The following BRAF variants were observed in gnomAD, a reference collection of about 807,000 sequenced individuals.
The protein encoded by BRAF is serine/threonine-protein kinase B-raf.
In BRAF, 16 loss-of-function variants were observed where a neutral mutation model predicts 104.6. The ratio of observed to expected loss-of-function variants is 0.15; its 90% confidence interval spans 0.10 to 0.23. BRAF has a LOEUF of 0.23. BRAF is among the 10% of genes least tolerant of loss of function. BRAF has a pLI of 1.00. For missense variants in BRAF, 541 were observed against 937.3 expected, an observed-to-expected ratio of 0.58 and a Z score of 5.52; for synonymous variants, 310 against 341.6, an observed-to-expected ratio of 0.91 and a Z score of 1.02.
chr7:140,791,826 T>C (rs1801999193), intron 8 of BRAF, among the ~76,000 whole-genome samples: 1 of 152,190 alleles, frequency 6.6e-6, no homozygotes. Flanking sequence ...ATCCTCTACT[T>C]CTCATATTTT....
intron 3 of BRAF, chr7:140,823,541 G>C (rs1196742312): frequency 6.6e-6 from 1 of 152,034 alleles, no homozygotes; most frequent in Non-Finnish European, 1.5e-5. Flanking sequence ...ACCATATTTT[G>C]TTCATCCACT....
chr7:140,717,161 A>G (rs1795148145), downstream of BRAF, among the ~76,000 whole-genome samples: 1 of 152,172 alleles, frequency 6.6e-6, no homozygotes, highest in Admixed American at 6.5e-5. Context: ...AAAATTATAT[A>G]TCTGTAATAT....
chr7:140,809,757 C>T (rs1195350338), intron 3 of BRAF, among the ~76,000 whole-genome samples: 1 of 152,042 alleles, frequency 6.6e-6, no homozygotes, highest in African/African-American at 2.4e-5. Context: ...ATCTGGAGCC[C>T]TCAATGGCCA....
chr7:140,727,171 G>A (rs908968875), intron 19 of BRAF, among the ~76,000 whole-genome samples: 3 of 139,358 alleles, frequency 2.2e-5, no homozygotes, highest in Admixed American at 1.4e-4. Context: ...GGGGCTTCAT[G>A]CCATTATTTT....
chr7:140,892,273 C>T (rs1288865441), intron 1 of BRAF, among the ~76,000 whole-genome samples: 1 of 151,800 alleles, frequency 6.6e-6, no homozygotes, highest in Non-Finnish European at 1.5e-5. Flanking sequence ...AAAAATAAAT[C>T]AACAAAGGTA....
intron 19 of BRAF, chr7:140,730,705 A>G (rs1041742036): frequency 6.6e-6 from 1 of 151,778 alleles, no homozygotes; most frequent in Non-Finnish European, 1.5e-5. Context: ...AGAGCAGAGA[A>G]CAACTGGGAA....
chr7:140,763,033 C>T (rs572560699), intron 14 of BRAF, among the ~76,000 whole-genome samples: 75 of 152,340 alleles, frequency 4.9e-4, no homozygotes, highest in African/African-American at 1.7e-3. Context: ...GGCAACCATC[C>T]GATTTCTCAA....
In BRAF at chr7:140,924,406, G is replaced by A. The variant is rs1309205513; in HGVS notation, c.138+160C>T. 6.6e-6 allele frequency among the ~76,000 whole-genome samples: 1 copy of A among 152,238 alleles called. No homozygotes were observed. Among genetic ancestry groups the A allele is most frequent in the Non-Finnish European group, 1.5e-5 (1 of 68,044 alleles). On this transcript the variant is annotated intron_variant, in intron 1 of 19. Coordinates refer to ENST00000644969, the MANE Select transcript of BRAF (RefSeq NM_001374258.1). This position sits in a 1 kb window ranked among gnomAD's most constrained non-coding sequence, Gnocchi z 4.2. Reference sequence around the variant, plus strand: ...TTACGTAGGAAGGCGCTGCATGACGGAGAGGGACACGGGGGCGATGCCCAC... The same window carrying A: ...TTACGTAGGAAGGCGCTGCATGACGAAGAGGGACACGGGGGCGATGCCCAC...
At chr7:140,775,241 G>A (rs902667947) in intron 14 of BRAF, among the ~76,000 whole-genome samples, 1 of 152,202 alleles carries the variant, frequency 6.6e-6, no homozygotes, top group Non-Finnish European at 1.5e-5. Context: ...CGCTTGGCCT[G>A]CTGAAGAAAT....
At chr7:140,875,372 C>A (rs1812111126) in intron 1 of BRAF, among the ~76,000 whole-genome samples, 1 of 152,120 alleles carries the variant, frequency 6.6e-6, no homozygotes, top group South Asian at 2.1e-4. Context: ...AAATGAAACA[C>A]AAAAAATTAC....
intron 2 of BRAF, among the ~76,000 whole-genome samples, chr7:140,848,748 AC>A (rs1273808769): frequency 2.6e-5 from 4 of 152,236 alleles, no homozygotes; most frequent in Non-Finnish European, 4.4e-5. Flanking sequence ...AGAAGATAGC[AC>A]AGGCTATTAG....
At chr7:140,800,583 C>A in intron 6 of BRAF, 102 bp from the exon 7 acceptor site, 1 of 1,558,894 alleles carries the variant, frequency 6.4e-7, no homozygotes, top group South Asian at 1.1e-5. Context: ...ATTCCATTCT[C>A]AGAAACAACT....
chr7:140,764,016 A>T (rs1480999837), intron 14 of BRAF, among the ~76,000 whole-genome samples: 3 of 152,240 alleles, frequency 2.0e-5, no homozygotes, highest in Non-Finnish European at 4.4e-5. Flanking sequence ...TTAGACCGAT[A>T]TCCTTGATGA....
At chr7:140,877,295 G>C (rs1159409307) in intron 1 of BRAF, among the ~76,000 whole-genome samples, 1 of 66,476 alleles carries the variant, frequency 1.5e-5, no homozygotes, top group Admixed American at 1.7e-4. Context: ...TTAAGAGATG[G>C]GGGGGGGGGT....
intron 14 of BRAF, among the ~76,000 whole-genome samples, chr7:140,776,010 G>C (rs964506499): frequency 6.6e-6 from 1 of 152,150 alleles, no homozygotes; most frequent in African/African-American, 2.4e-5. Flanking sequence ...TGGTTATGGG[G>C]AAAGAATACT....
intron 1 of BRAF, among the ~76,000 whole-genome samples, chr7:140,857,826 T>C (rs565082531): frequency 1.3e-5 from 2 of 152,142 alleles, no homozygotes; most frequent in African/African-American, 4.8e-5. Context: ...AGTACTGTAA[T>C]TGACTATAAC....
chr7:140,776,540 C>T (rs531758433), intron 14 of BRAF, among the ~76,000 whole-genome samples: 2 of 152,282 alleles, frequency 1.3e-5, no homozygotes, highest in South Asian at 4.2e-4. Flanking sequence ...AAAATACGGG[C>T]ACTCAGAGAA....
At chr7:140,732,707 T>A (rs1335604568) in intron 19 of BRAF, 1 of 152,176 alleles carries the variant, frequency 6.6e-6, no homozygotes, top group Non-Finnish European at 1.5e-5. Context: ...CTAGGCAGGA[T>A]GGCATTGAGA....
intron 3 of BRAF, among the ~76,000 whole-genome samples, chr7:140,810,189 T>C (rs1433552996): frequency 6.6e-6 from 1 of 151,922 alleles, no homozygotes; most frequent in Non-Finnish European, 1.5e-5. Flanking sequence ...TCAAATAATA[T>C]ATTGAAGGGG....
Sources: allele counts gnomAD v4.1 joint callset (sites outside exome capture counted in the v4.1 genomes callset), GRCh38; gene constraint gnomAD v4.1.1; non-coding constraint Gnocchi (gnomAD v3.1); transcripts MANE v1.5; gene names NCBI Gene and HGNC (gene_info 2026-07-23, HGNC 2026-07-21).